HDX: variants seen among roughly 807,000 people sequenced by gnomAD.
HDX encodes highly divergent homeobox.
Under a neutral mutation model 45.2 loss-of-function variants are expected in HDX, and 19 were observed. The observed-to-expected ratio is 0.42, with a 90% confidence interval of 0.29 to 0.62. The LOEUF is 0.62. Ranked by LOEUF, HDX falls within the 20% of genes least tolerant of loss-of-function variation. HDX has a pLI of 0.20. For missense variants in HDX, 532 were observed against 493.9 expected (o/e 1.08, Z -0.73); for synonymous variants, 188 against 172.8 (o/e 1.09, Z -0.69).
chrX:84,432,943 T>C (rs1352200244), intron 5 of HDX, among the ~76,000 whole-genome samples: 1 of 111,510 alleles, frequency 9.0e-6, no homozygotes, highest in Non-Finnish European at 1.9e-5. Context: ...CCAATCAGTA[T>C]AATGTCAGCA....
chrX:84,362,588 G>A (rs1407181248), intron 5 of HDX, among the ~76,000 whole-genome samples: 1 of 110,415 alleles, frequency 9.1e-6, no homozygotes, highest in Non-Finnish European at 1.9e-5. Flanking sequence ...GAGAGACAGA[G>A]AGAGAGAGAG....
intron 5 of HDX, among the ~76,000 whole-genome samples, chrX:84,420,284 T>C (rs1223500467): frequency 8.9e-6 from 1 of 111,753 alleles, no homozygotes; most frequent in Non-Finnish European, 1.9e-5. Context: ...TATCAGATGA[T>C]TGAAATAATG....
intron 5 of HDX, among the ~76,000 whole-genome samples, chrX:84,421,008 T>C (rs1017895503): frequency 1.1e-4 from 12 of 112,189 alleles, no homozygotes; most frequent in Non-Finnish European, 2.1e-4. Flanking sequence ...GGACATGTCC[T>C]AGAAGAAATG....
At position 84,440,197 on chromosome X, in the gene HDX, A is replaced by G. The variant is rs142031817; in HGVS notation, c.1305+335T>C. The G allele has an allele frequency of 2.3e-3, 345 of 148,944 alleles. 1 individual carries two copies. Among genetic ancestry groups the G allele is most frequent in the African/African-American group, 0.01 (334 of 31,927 alleles). The allele number at this position is 148,944 out of a possible 1,213,427, so 12.3% of individuals were successfully genotyped here. The stretch of plus-strand genomic sequence containing the variant: ...TAGTAAATGAAATTATGCAGTACTG[A>G]TTGAGATATTTTATATAAATTATAA... On this transcript the variant is annotated intron_variant, in intron 5 of 10. Coordinates refer to ENST00000373177, the MANE Select transcript of HDX (RefSeq NM_001177479.2).
At chrX:84,368,792 G>A (rs924055121) in intron 5 of HDX, among the ~76,000 whole-genome samples, 2 of 110,982 alleles carry the variant, frequency 1.8e-5, no homozygotes, top group African/African-American at 3.3e-5. Context: ...TTTTTTCCAC[G>A]GATGAGGGTG....
intron 5 of HDX, among the ~76,000 whole-genome samples, chrX:84,375,462 A>T (rs2147888123): frequency 8.9e-6 from 1 of 112,166 alleles, no homozygotes; most frequent in African/African-American, 3.2e-5. Flanking sequence ...TTATTGCGGC[A>T]TTATTCACAA....
intron 2 of HDX, among the ~76,000 whole-genome samples, chrX:84,477,207 T>G (rs1398308300): frequency 9.0e-6 from 1 of 111,612 alleles, no homozygotes; most frequent in Non-Finnish European, 1.9e-5. Flanking sequence ...CAAGGTACTT[T>G]GAAATGGGTT....
At chrX:84,404,364 G>A (rs192967706) in intron 5 of HDX, among the ~76,000 whole-genome samples, 4 of 111,483 alleles carry the variant, frequency 3.6e-5, no homozygotes, top group East Asian at 2.8e-4. Flanking sequence ...CACATCTGTA[G>A]GATATTACAG....
rs990459099 is a variant in HDX at position 84,367,272 on chromosome X, A to G, written c.1306-5660T>C. On this transcript the variant is annotated intron_variant, in intron 5 of 10. Transcript: ENST00000373177. ...AAAAAGCTCATCATCACTGGTCATTAGAGAAATGCAAATCAAAACCACAAT... is the reference window on the plus strand; with the variant it reads ...AAAAAGCTCATCATCACTGGTCATTGGAGAAATGCAAATCAAAACCACAAT... Among the ~76,000 whole-genome samples, 3 of 112,710 alleles carry G rather than the reference A, an allele frequency of 2.7e-5. No individual in the cohort carries two copies. In the East Asian group the frequency reaches 8.4e-4, roughly 31 times the overall value.
At chrX:84,359,321 G>A (rs1470928593) in intron 6 of HDX, among the ~76,000 whole-genome samples, 1 of 110,392 alleles carries the variant, frequency 9.1e-6, no homozygotes, top group Non-Finnish European at 1.9e-5. Flanking sequence ...GTATACATTA[G>A]CTTTTTTCCT....
At chrX:84,438,511 C>A (rs954883690) in intron 5 of HDX, among the ~76,000 whole-genome samples, 10 of 109,212 alleles carry the variant, frequency 9.2e-5, no homozygotes, top group Middle Eastern at 4.7e-3. Flanking sequence ...AGTATAGTAC[C>A]CAACAGGTGG....
intron 5 of HDX, among the ~76,000 whole-genome samples, chrX:84,377,293 A>G (rs2038079489): frequency 1.8e-5 from 2 of 111,758 alleles, no homozygotes. Context: ...AACTAAGAAC[A>G]GACAGTGAAG....
rs978746861 is a variant in HDX at position 84,319,323 on chromosome X, C to T, written c.*2566G>A. 3 of 110,779 alleles carry T rather than the reference C, an allele frequency of 2.7e-5. No individual in the cohort carries two copies. Among genetic ancestry groups the T allele is most frequent in the Non-Finnish European group, 5.7e-5 (3 of 52,394 alleles). 9.1% of individuals were successfully genotyped at this position (110,779 alleles called of 1,213,427 possible). On this transcript the variant is annotated 3_prime_UTR_variant, in exon 11 of 11. Coordinates refer to ENST00000373177, the MANE Select transcript of HDX (RefSeq NM_001177479.2). ...AATTATAAGCTGATAATTTTTCCTG[C>T]TCTAACATATCTCAAAACCAACTCC... is the stretch of plus-strand genomic sequence containing the variant.
chrX:84,423,371 A>G (rs749306019), intron 5 of HDX, among the ~76,000 whole-genome samples: 1 of 110,261 alleles, frequency 9.1e-6, no homozygotes, highest in South Asian at 3.9e-4. Context: ...TTAAAGAAGA[A>G]CTAATACCAA....
At chrX:84,350,265 TG>T (rs2037312654) in intron 6 of HDX, among the ~76,000 whole-genome samples, 1 of 111,356 alleles carries the variant, frequency 9.0e-6, no homozygotes, top group South Asian at 3.8e-4. Flanking sequence ...TTACTCTTTT[TG>T]TGTATTCCAT....
intron 5 of HDX, among the ~76,000 whole-genome samples, chrX:84,367,385 G>A (rs750458455): frequency 1.9e-3 from 210 of 112,195 alleles, no homozygotes; most frequent in African/African-American, 6.7e-3. Flanking sequence ...AAATAGGAAC[G>A]CTTTTACACT....
intron 2 of HDX, among the ~76,000 whole-genome samples, chrX:84,482,119 G>A (rs890845606): frequency 2.7e-5 from 3 of 111,550 alleles, no homozygotes; most frequent in Non-Finnish European, 5.6e-5. Flanking sequence ...ATCCACTATT[G>A]ATAGACACTT....
intron 5 of HDX, among the ~76,000 whole-genome samples, chrX:84,426,905 T>C (rs1441475524): frequency 1.8e-5 from 2 of 110,715 alleles, no homozygotes; most frequent in Non-Finnish European, 3.8e-5. Context: ...CATCACATTA[T>C]ACACCTTAAA....
intron 5 of HDX, among the ~76,000 whole-genome samples, chrX:84,387,473 C>A (rs140838567): frequency 0.013 from 1,483 of 111,309 alleles, 24 homozygotes; most frequent in African/African-American, 0.046. Flanking sequence ...TTTTGTAGGC[C>A]GAGAAGACCT....
Sources: allele counts gnomAD v4.1 joint callset (sites outside exome capture counted in the v4.1 genomes callset), GRCh38; gene constraint gnomAD v4.1.1; transcripts MANE v1.5; gene names NCBI Gene and HGNC (gene_info 2026-07-23, HGNC 2026-07-21).